Variants in ANKRD30BL observed in about 807,000 individuals in gnomAD.
ANKRD30BL encodes ankyrin repeat domain 30B like.
ANKRD30BL carries 20 observed loss-of-function variants against 18.4 expected under a neutral mutation model. The ratio of observed to expected loss-of-function variants is 1.09; its 90% confidence interval spans 0.77 to 1.58. The LOEUF is 1.58. Ranked by LOEUF, ANKRD30BL falls within the 40% of genes most tolerant of loss-of-function variation. The probability of loss-of-function intolerance (pLI) is 0.00; values close to 1 mark genes in which losing one functional copy is unlikely to be tolerated. For synonymous variants in ANKRD30BL, 72 were observed against 100.9 expected (o/e 0.71, Z 1.72); for missense variants, 224 against 268.6 (o/e 0.83, Z 1.16).
At chr2:132,246,344 T>C (rs541131227) in intron 1 of ANKRD30BL, among the ~76,000 whole-genome samples, 26 of 152,086 alleles carry the variant, frequency 1.7e-4, no homozygotes, top group Admixed American at 1.1e-3. Context: ...TTCATTGTGA[T>C]TTGTGTACTC....
chr2:132,224,882 A>G (rs1679798650), intron 1 of ANKRD30BL, among the ~76,000 whole-genome samples: 2 of 151,798 alleles, frequency 1.3e-5, no homozygotes, highest in African/African-American at 2.4e-5. Context: ...CACAGAGTTG[A>G]ACCTTGCTTT....
intron 1 of ANKRD30BL, among the ~76,000 whole-genome samples, chr2:132,215,913 G>A (rs1233573007): frequency 2.6e-5 from 4 of 151,794 alleles, no homozygotes; most frequent in Non-Finnish European, 5.9e-5. Context: ...TTTTTGTGAT[G>A]TATGCATTAA....
intron 1 of ANKRD30BL, among the ~76,000 whole-genome samples, chr2:132,202,102 T>C (rs1462770365): frequency 6.6e-6 from 1 of 151,388 alleles, no homozygotes; most frequent in Admixed American, 6.6e-5. Flanking sequence ...TGAGAACACA[T>C]GGACACAGGA....
intron 1 of ANKRD30BL, among the ~76,000 whole-genome samples, chr2:132,252,715 T>C (rs1406414027): frequency 2.0e-5 from 3 of 151,508 alleles, no homozygotes; most frequent in Non-Finnish European, 4.4e-5. Context: ...CCTATTTGCC[T>C]TCCTCCCAAC....
intron 1 of ANKRD30BL, among the ~76,000 whole-genome samples, chr2:132,222,211 T>C (rs1242303024): frequency 2.2e-5 from 3 of 139,134 alleles, no homozygotes; most frequent in Non-Finnish European, 4.7e-5. Context: ...GGGAGGGTGG[T>C]GGGGGGGTCA....
intron 1 of ANKRD30BL, among the ~76,000 whole-genome samples, chr2:132,183,007 A>G (rs1688499108): frequency 6.6e-6 from 1 of 152,146 alleles, no homozygotes; most frequent in Admixed American, 6.6e-5. Context: ...AATAAAAAAT[A>G]ACGATGTTGG....
chr2:132,232,275 C>A (rs550845048), intron 1 of ANKRD30BL, among the ~76,000 whole-genome samples: 2 of 152,180 alleles, frequency 1.3e-5, no homozygotes, highest in Admixed American at 6.5e-5. Flanking sequence ...AAATGCAGAA[C>A]ACGTCTCCTC....
In ANKRD30BL at chr2:132,193,941, C is replaced by T. The variant is rs545114303; in HGVS notation, n.442-36795G>A. Among the ~76,000 whole-genome samples, 391 of 151,846 alleles carry T rather than the reference C, an allele frequency of 2.6e-3. 2 individuals are homozygous for T. Among genetic ancestry groups the T allele is most frequent in the African/African-American group, 8.7e-3 (361 of 41,352 alleles). On this transcript the variant is annotated intron_variant and non_coding_transcript_variant, in intron 1 of 4. Coordinates refer to the ANKRD30BL transcript ENST00000470729. Reference sequence around the variant, plus strand: ...TTCCTTAGGTCCAGTAACCAAAAGACAAGAAATACGTCACCACTGGGGCAG... The same window carrying T: ...TTCCTTAGGTCCAGTAACCAAAAGATAAGAAATACGTCACCACTGGGGCAG...
intron 1 of ANKRD30BL, among the ~76,000 whole-genome samples, chr2:132,203,974 A>G (rs1229741834): frequency 6.4e-4 from 97 of 151,708 alleles, no homozygotes; most frequent in South Asian, 1.9e-3. Flanking sequence ...GATATATCTG[A>G]TTTTATAATT....
chr2:132,221,660 G>C (rs1344980680), intron 1 of ANKRD30BL, among the ~76,000 whole-genome samples: 1 of 122,054 alleles, frequency 8.2e-6, no homozygotes, highest in Non-Finnish European at 1.6e-5. Context: ...TCAGCCCCCC[G>C]CCCGGCCAGC....
chr2:132,152,338 T>TGTAAG (rs1223693090), intron 4 of ANKRD30BL: 1 of 152,236 alleles, frequency 6.6e-6, no homozygotes, highest in African/African-American at 2.4e-5. Context: ...TATGTACCAC[T>TGTAAG]GAAGCCAGCA....
chr2:132,256,282 G>T (rs980513824), intron 1 of ANKRD30BL, among the ~76,000 whole-genome samples: 2 of 150,352 alleles, frequency 1.3e-5, no homozygotes, highest in South Asian at 2.1e-4. Context: ...GATGGGGCGT[G>T]GGGGAGGGAG....
chr2:132,231,581 T>A lies in ANKRD30BL; in HGVS notation n.441+25948A>T, dbSNP rs1264444138. Reference sequence around the variant, plus strand: ...CCGAGTCAAAGAAAGGGGTGACAGATGCACCTGGAAAATCGGGTCACTCCC... The same window carrying A: ...CCGAGTCAAAGAAAGGGGTGACAGAAGCACCTGGAAAATCGGGTCACTCCC... On this transcript the variant is annotated intron_variant and non_coding_transcript_variant, in intron 1 of 4. Coordinates refer to the ANKRD30BL transcript ENST00000470729. Among the ~76,000 whole-genome samples, 4 of 152,140 alleles carry A rather than the reference T, an allele frequency of 2.6e-5. No individual in the cohort carries two copies. The South Asian group carries it at 8.3e-4, about 31-fold the overall frequency.
intron 1 of ANKRD30BL, among the ~76,000 whole-genome samples, chr2:132,216,538 C>A (rs932055202): frequency 1.3e-5 from 2 of 151,852 alleles, no homozygotes; most frequent in African/African-American, 2.4e-5. Flanking sequence ...CACTTAAGAT[C>A]TATACAGAAG....
At chr2:132,215,572 G>GTATGC (rs1395050191) in intron 1 of ANKRD30BL, among the ~76,000 whole-genome samples, 1 of 131,462 alleles carries the variant, frequency 7.6e-6, no homozygotes, top group Non-Finnish European at 1.7e-5. Flanking sequence ...ACTTTGTGAT[G>GTATGC]TATGCATTCA....
At chr2:132,248,757 A>G (rs527376596) in intron 1 of ANKRD30BL, among the ~76,000 whole-genome samples, 190 of 152,214 alleles carry the variant, frequency 1.2e-3, no homozygotes, top group Non-Finnish European at 2.2e-3. Flanking sequence ...GCTTCTCAGA[A>G]ACATTCTTTA....
At chr2:132,153,402 G>A in intron 4 of ANKRD30BL, 1 of 382,000 alleles carries the variant, frequency 2.6e-6, no homozygotes, top group Non-Finnish European at 5.3e-6. Flanking sequence ...CGTCCCTAAA[G>A]CCCTAAAATA....
intron 1 of ANKRD30BL, among the ~76,000 whole-genome samples, chr2:132,249,247 C>G (rs1680586401): frequency 2.6e-5 from 4 of 152,096 alleles, no homozygotes; most frequent in Non-Finnish European, 4.4e-5. Flanking sequence ...GATGAGTGCA[C>G]ACACCACACA....
At chr2:132,179,924 G>C in intron 1 of ANKRD30BL, among the ~76,000 whole-genome samples, 1 of 152,226 alleles carries the variant, frequency 6.6e-6, no homozygotes, top group South Asian at 2.1e-4. Context: ...ATTTTTTGAA[G>C]TTGTACAATA....
Sources: allele counts gnomAD v4.1 joint callset (sites outside exome capture counted in the v4.1 genomes callset), GRCh38; gene constraint gnomAD v4.1.1; transcripts MANE v1.5; gene names NCBI Gene and HGNC (gene_info 2026-07-23, HGNC 2026-07-21).